The following NEGR1 variants were observed in gnomAD, a reference collection of about 807,000 sequenced individuals.
NEGR1 encodes neuronal growth regulator 1.
In NEGR1, 10 loss-of-function variants were observed where a neutral mutation model predicts 40.9. The ratio of observed to expected loss-of-function variants is 0.24; its 90% CI spans 0.15 to 0.42. The LOEUF is 0.42. NEGR1 is among the 10% of genes least tolerant of loss of function. The pLI, the probability that NEGR1 is intolerant of heterozygous loss-of-function variation, is 1.00. For synonymous variants in NEGR1, 185 were observed against 166.8 expected (o/e 1.11, Z -0.84); for missense variants, 352 against 438.9 (o/e 0.80, Z 1.77).
At chr1:71,783,729 A>G (rs1432943661) in intron 2 of NEGR1, among the ~76,000 whole-genome samples, 1 of 152,142 alleles carries the variant, frequency 6.6e-6, no homozygotes, top group Non-Finnish European at 1.5e-5. Context: ...GTTTTCTCTC[A>G]TTTAGGATAC....
chr1:71,784,469 C>A (rs1190136354), intron 2 of NEGR1, among the ~76,000 whole-genome samples: 3 of 151,948 alleles, frequency 2.0e-5, no homozygotes, highest in Non-Finnish European at 4.4e-5. Flanking sequence ...TCACTGAGAG[C>A]AGCATAGTGG....
chr1:71,939,178 T>C (rs981002499), intron 1 of NEGR1, among the ~76,000 whole-genome samples: 3 of 152,142 alleles, frequency 2.0e-5, no homozygotes, highest in Non-Finnish European at 4.4e-5. Flanking sequence ...GCAACTTTTT[T>C]CCCCTAAAGT....
At chr1:71,752,157 A>T (rs1373506048) in intron 3 of NEGR1, among the ~76,000 whole-genome samples, 1 of 152,232 alleles carries the variant, frequency 6.6e-6, no homozygotes, top group East Asian at 1.9e-4. Context: ...GAAGGAAACA[A>T]GTTCTTTAAA....
intron 3 of NEGR1, among the ~76,000 whole-genome samples, chr1:71,756,414 A>AC (rs886685429): frequency 3.3e-5 from 5 of 151,394 alleles, no homozygotes; most frequent in South Asian, 2.1e-4. Context: ...AAACAAACAA[A>AC]AAAAAAAAAC....
At chr1:72,026,165 C>T (rs986249172) in intron 1 of NEGR1, among the ~76,000 whole-genome samples, 3 of 140,250 alleles carry the variant, frequency 2.1e-5, no homozygotes, top group African/African-American at 5.2e-5. Flanking sequence ...AAGCAGATGG[C>T]TCATTGGATC....
At chr1:71,912,355 C>T (rs71651496) in intron 2 of NEGR1, among the ~76,000 whole-genome samples, 3,782 of 152,254 alleles carry the variant, frequency 0.025, 72 homozygotes, top group Non-Finnish European at 0.038. Context: ...TTTTCTTCTA[C>T]TTATAATAAC....
intron 1 of NEGR1, among the ~76,000 whole-genome samples, chr1:72,050,131 A>G (rs1236333055): frequency 1.3e-5 from 2 of 151,626 alleles, no homozygotes; most frequent in East Asian, 3.9e-4. Context: ...AAAAGGTCAA[A>G]AAGTTTAAGA....
At chr1:71,791,017 G>A (rs1657095716) in intron 2 of NEGR1, among the ~76,000 whole-genome samples, 1 of 151,926 alleles carries the variant, frequency 6.6e-6, no homozygotes, top group African/African-American at 2.4e-5. Flanking sequence ...CAACAAAAAT[G>A]TAGATAAAAT....
chr1:71,760,666 G>T (rs573650761), intron 3 of NEGR1, among the ~76,000 whole-genome samples: 11 of 152,298 alleles, frequency 7.2e-5, no homozygotes, highest in Admixed American at 1.3e-4. Flanking sequence ...TTGTTGAAAT[G>T]TCATCAGCAT....
intron 4 of NEGR1, among the ~76,000 whole-genome samples, chr1:71,633,770 C>G (rs1337610442): frequency 1.3e-5 from 2 of 152,086 alleles, no homozygotes; most frequent in African/African-American, 4.8e-5. Flanking sequence ...TCCTGATTGG[C>G]AAGCTGTCAG....
At chr1:71,502,958 G>A (rs1647008947) in intron 6 of NEGR1, among the ~76,000 whole-genome samples, 1 of 152,136 alleles carries the variant, frequency 6.6e-6, no homozygotes, top group Non-Finnish European at 1.5e-5. Context: ...TTGAGTACAT[G>A]AGGAAAAGCT....
At chr1:72,162,664 T>C (rs12755450) in intron 1 of NEGR1, among the ~76,000 whole-genome samples, 18,462 of 152,076 alleles carry the variant, frequency 0.12, 1,601 homozygotes, top group Non-Finnish European at 0.19. Flanking sequence ...AAGTGATAAA[T>C]TGGTTATTGA....
chr1:72,022,228 G>A (rs1301721494), intron 1 of NEGR1, among the ~76,000 whole-genome samples: 1 of 139,406 alleles, frequency 7.2e-6, no homozygotes, highest in Non-Finnish European at 1.5e-5. Flanking sequence ...ACCAGACCAG[G>A]AAGCTGACAA....
chr1:72,139,186 A>G (rs1400075644), intron 1 of NEGR1, among the ~76,000 whole-genome samples: 1 of 151,232 alleles, frequency 6.6e-6, no homozygotes, highest in Non-Finnish European at 1.5e-5. Context: ...AATGGCCTAG[A>G]TTAGTAATTT....
chr1:71,883,615 G>A (rs753746320), intron 2 of NEGR1, among the ~76,000 whole-genome samples: 4 of 152,060 alleles, frequency 2.6e-5, no homozygotes, highest in African/African-American at 4.8e-5. Context: ...TAGGGTACAT[G>A]TGCACAACGT....
chr1:72,209,045 A>G (rs1364996043), intron 1 of NEGR1, among the ~76,000 whole-genome samples: 1 of 151,752 alleles, frequency 6.6e-6, no homozygotes, highest in Non-Finnish European at 1.5e-5. Flanking sequence ...CAAACAAAAA[A>G]CAGATGTAAT....
intron 6 of NEGR1, among the ~76,000 whole-genome samples, chr1:71,537,453 C>T (rs1004397319): frequency 6.6e-6 from 1 of 151,692 alleles, no homozygotes; most frequent in Admixed American, 6.6e-5. Flanking sequence ...TTAAAGGTAC[C>T]TAATAAGTGA....
chr1:71,883,271 T>C (rs925626068), intron 2 of NEGR1, among the ~76,000 whole-genome samples: 1 of 151,966 alleles, frequency 6.6e-6, no homozygotes, highest in Non-Finnish European at 1.5e-5. Context: ...ATACATTATA[T>C]ACAATAATAA....
intron 1 of NEGR1, among the ~76,000 whole-genome samples, chr1:72,051,891 G>T (rs1446657969): frequency 1.3e-5 from 2 of 151,470 alleles, no homozygotes; most frequent in Non-Finnish European, 3.0e-5. Flanking sequence ...AATAGAAAGA[G>T]AATATGAAGT....
Sources: allele counts gnomAD v4.1 joint callset (sites outside exome capture counted in the v4.1 genomes callset), GRCh38; gene constraint gnomAD v4.1.1; transcripts MANE v1.5; gene names NCBI Gene and HGNC (gene_info 2026-07-23, HGNC 2026-07-21).